HMCN1: variants seen among roughly 807,000 people sequenced by gnomAD.
The protein encoded by HMCN1 is hemicentin-1.
In HMCN1, 321 loss-of-function variants were observed where a neutral mutation model predicts 625.9. The observed-to-expected ratio is 0.51, with a 90% confidence interval of 0.47 to 0.56. The LOEUF (loss-of-function observed/expected upper bound fraction) is 0.56, where lower values mean the gene tolerates loss of function less well. Among genes scored for constraint, HMCN1 ranks in the 20% least tolerant of loss-of-function variants. The probability of loss-of-function intolerance (pLI) is 0.00; values close to 1 mark genes in which losing one functional copy is unlikely to be tolerated. For missense variants in HMCN1, 6,588 were observed against 6,887.3 expected (o/e 0.96, Z 1.54); for synonymous variants, 2,425 against 2,417.6 (o/e 1.00, Z -0.09).
chr1:185,821,833 G>C (rs992507089), intron 1 of HMCN1, among the ~76,000 whole-genome samples: 1 of 149,204 alleles, frequency 6.7e-6, no homozygotes, highest in Admixed American at 6.7e-5. Context: ...AGGCATGAGA[G>C]ATAGTGTGCT....
At chr1:185,982,161 AC>A (rs1651686969) in intron 17 of HMCN1, 100 bp from the exon 18 acceptor site, 2 of 1,189,530 alleles carry the variant, frequency 1.7e-6, no homozygotes, top group East Asian at 2.3e-5. Flanking sequence ...GAAAACTCAA[AC>A]TTTTATAGCA....
chr1:186,078,098 T>G lies in HMCN1; in HGVS notation c.8486-9T>G. The G allele has an allele frequency of 6.3e-7, 1 of 1,599,490 alleles. No homozygotes were observed. Among genetic ancestry groups the G allele is most frequent in the Non-Finnish European group, 8.6e-7 (1 of 1,167,306 alleles). On this transcript the variant is annotated splice_polypyrimidine_tract_variant and intron_variant, in intron 54 of 106. Coordinates refer to ENST00000271588, the MANE Select transcript of HMCN1 (RefSeq NM_031935.3). ...TAGAGGAGTAAACATAGTGGGATAT[T>G]ATTTTCAGGAGGGCGAGTGTTGCAG...
At chr1:185,808,343 T>A (rs1469931817) in intron 1 of HMCN1, among the ~76,000 whole-genome samples, 1 of 151,896 alleles carries the variant, frequency 6.6e-6, no homozygotes, top group African/African-American at 2.4e-5. Flanking sequence ...TAAGACTCTG[T>A]CTCAAAAAAT....
chr1:186,099,128 A>G (rs1443203226), intron 68 of HMCN1, among the ~76,000 whole-genome samples: 1 of 152,062 alleles, frequency 6.6e-6, no homozygotes, highest in Non-Finnish European at 1.5e-5. Context: ...ATACTATTGT[A>G]TATCTCAGAG....
At position 186,168,660 on chromosome 1, in the gene HMCN1, C is replaced by T. The variant is rs573444669; in HGVS notation, c.15574+1718C>T. On this transcript the variant is annotated intron_variant, in intron 100 of 106. Transcript: ENST00000271588. Reference sequence around the variant, plus strand: ...TTGGAATATAGCAAGACAGAAGTGGCAGGAACTGGAGATGAGTATAGACCT... The same window carrying T: ...TTGGAATATAGCAAGACAGAAGTGGTAGGAACTGGAGATGAGTATAGACCT... 1.3e-4 allele frequency among the ~76,000 whole-genome samples: 20 copies of T among 151,924 alleles called. No individual in the cohort carries two copies. The South Asian group carries it at 4.2e-3, about 32-fold the overall frequency.
At chr1:185,882,622 C>T (rs1664378104) in intron 4 of HMCN1, among the ~76,000 whole-genome samples, 1 of 151,894 alleles carries the variant, frequency 6.6e-6, no homozygotes, top group Non-Finnish European at 1.5e-5. Flanking sequence ...ACCATTTTCC[C>T]ACTTCAGAAA....
At chr1:186,161,104 C>T (rs1483352398) in intron 97 of HMCN1, among the ~76,000 whole-genome samples, 1 of 151,968 alleles carries the variant, frequency 6.6e-6, no homozygotes, top group Non-Finnish European at 1.5e-5. Flanking sequence ...CTGGGTGCTC[C>T]TGTATTGGGT....
intron 4 of HMCN1, among the ~76,000 whole-genome samples, chr1:185,882,350 G>GT (rs11377397): frequency 0.32 from 46,184 of 143,382 alleles, 8,350 homozygotes; most frequent in African/African-American, 0.52. Flanking sequence ...AGAAATGAAT[G>GT]TTTTTTTTTT....
At chr1:186,033,505 C>A (rs1655614622) in intron 36 of HMCN1, among the ~76,000 whole-genome samples, 1 of 152,056 alleles carries the variant, frequency 6.6e-6, no homozygotes, top group Non-Finnish European at 1.5e-5. Flanking sequence ...TTTAATATCT[C>A]TAAATTACTT....
intron 11 of HMCN1, among the ~76,000 whole-genome samples, chr1:185,941,494 C>A (rs1668077915): frequency 6.6e-6 from 1 of 152,164 alleles, no homozygotes; most frequent in Non-Finnish European, 1.5e-5. Context: ...TTTTGTAGGA[C>A]TGTGTTACAG....
chr1:185,987,540 C>G lies in HMCN1; in HGVS notation c.3044C>G (p.Ser1015Cys). ...SGNPKPSVIWSKKGELISTSS... is the reference protein window; with the variant it reads ...SGNPKPSVIWCKKGELISTSS... ...AATCCCAAACCGTCTGTCATCTGGT[C>G]CAAGGTAAATGATACATCTAGTTAT... The change falls in exon 20 of 107, where the codon TCC becomes TGC. Residue 1015 changes from serine (S) to cysteine (C), a missense_variant. Transcript: ENST00000271588. 1 of 1,595,004 alleles carries G rather than the reference C, an allele frequency of 6.3e-7. No homozygotes were observed. Among genetic ancestry groups the G allele is most frequent in the Non-Finnish European group, 8.6e-7 (1 of 1,162,750 alleles).
At chr1:186,078,016 G>A in intron 54 of HMCN1, 91 bp from the exon 55 acceptor site, 1 of 876,982 alleles carries the variant, frequency 1.1e-6, no homozygotes, top group South Asian at 1.4e-5. Context: ...GAAAATGTAA[G>A]GCAGTCATTA....
intron 1 of HMCN1, among the ~76,000 whole-genome samples, chr1:185,826,522 T>A (rs1158026143): frequency 6.6e-6 from 1 of 152,120 alleles, no homozygotes; most frequent in African/African-American, 2.4e-5. Context: ...GGATACACAC[T>A]GAGATGCAAT....
At chr1:185,901,750 T>TA (rs1483130131) in intron 4 of HMCN1, among the ~76,000 whole-genome samples, 1 of 151,770 alleles carries the variant, frequency 6.6e-6, no homozygotes, top group African/African-American at 2.4e-5. Context: ...TGTGTATCTG[T>TA]ACCAAAGAAT....
chr1:186,086,125 A>G (rs1320806454), intron 57 of HMCN1, 121 bp from the exon 58 acceptor site: 5 of 883,386 alleles, frequency 5.7e-6, no homozygotes, highest in Non-Finnish European at 9.2e-6. Flanking sequence ...AGACAGCTAG[A>G]TAATGAACAG....
At chr1:185,873,176 A>G (rs1466756695) in intron 4 of HMCN1, among the ~76,000 whole-genome samples, 3 of 152,166 alleles carry the variant, frequency 2.0e-5, no homozygotes, top group Non-Finnish European at 2.9e-5. Flanking sequence ...TAAAATATCA[A>G]GTTTGACTAT....
At chr1:185,789,494 A>C (rs920914052) in intron 1 of HMCN1, among the ~76,000 whole-genome samples, 9 of 152,268 alleles carry the variant, frequency 5.9e-5, no homozygotes, top group Non-Finnish European at 1.2e-4. Flanking sequence ...AGCATATCAC[A>C]CACATTGATC....
At position 185,970,392 on chromosome 1, in the gene HMCN1, T is replaced by C. The variant is rs372184085; in HGVS notation, c.2270T>C (p.Leu757Ser). 6.2e-7 allele frequency: 1 copy of C among 1,613,834 alleles called. No homozygotes were observed. Among genetic ancestry groups the C allele is most frequent in the Non-Finnish European group, 8.5e-7 (1 of 1,179,718 alleles). ...FLIIDPLLGL[L>S]KIQETQDLDA... The stretch of plus-strand genomic sequence containing the variant: ...ATTATTGACCCTCTCTTGGGACTTT[T>C]GAAGATTCAAGAAACACAAGATCTG... The change falls in exon 15 of 107, where the codon TTG (leucine) becomes TCG (serine). Residue 757 changes from leucine to serine, a missense_variant. This residue lies in a region of HMCN1 where 4,628 missense variants were observed against 4,853.1 expected (regional missense o/e 0.95). Coordinates refer to ENST00000271588, the MANE Select transcript of HMCN1 (RefSeq NM_031935.3).
chr1:185,951,377 G>T (rs188820677), intron 11 of HMCN1, among the ~76,000 whole-genome samples: 1 of 151,610 alleles, frequency 6.6e-6, no homozygotes, highest in African/African-American at 2.4e-5. Context: ...AAGCCTGGCC[G>T]TCAATACCCA....
Sources: gnomAD v4.1 joint callset for allele counts (sites outside exome capture counted in the v4.1 genomes callset) on GRCh38, gnomAD v4.1.1 for gene constraint, gnomAD v4.1.1 regional missense constraint, MANE v1.5 for transcripts, NCBI Gene and HGNC (gene_info 2026-07-23, HGNC 2026-07-21) for gene names.